CAST: variants seen among roughly 807,000 people sequenced by gnomAD.
The protein encoded by CAST is MIR583 host.
A neutral mutation model predicts 119.6 loss-of-function variants in CAST; 76 were observed. The observed-to-expected ratio is 0.64, with a 90% CI of 0.53 to 0.77. The LOEUF (loss-of-function observed/expected upper bound fraction) is 0.77, where lower values mean the gene tolerates loss of function less well. Ranked by LOEUF, CAST falls within the 30% of genes least tolerant of loss-of-function variation. The pLI is 0.00. For synonymous variants in CAST, 319 were observed against 331.6 expected, an observed-to-expected ratio of 0.96 and a Z score of 0.41; for missense variants, 953 against 946.5, an observed-to-expected ratio of 1.01 and a Z score of -0.09.
chr5:96,207,316 T>C, the CAST span, among the ~76,000 whole-genome samples: 1 of 152,126 alleles, frequency 6.6e-6, no homozygotes. Flanking sequence ...CTGGTAACTC[T>C]GGCTAGGATT....
At chr5:96,364,331 A>G in the CAST span, among the ~76,000 whole-genome samples, 1 of 152,148 alleles carries the variant, frequency 6.6e-6, no homozygotes, top group African/African-American at 2.4e-5. Context: ...TGGTATCAGG[A>G]TGATGCTGGC....
In CAST at chr5:96,695,840, A is replaced by G. The variant is rs1753217764; in HGVS notation, c.143A>G (p.Lys48Arg). ...PGEKKGSDEK[K>R]AASLGSSQSS... ...CTAATATTTTCTATTTTCAAGAAAA[A>G]AGCAGCAAGCCTCGGCAGCAGTCAA... The change falls in exon 3 of 32, where the codon AAA becomes AGA. Residue 48 changes from lysine (K) to arginine (R), a missense_variant. By Grantham distance (26) the Lys-to-Arg change is conservative (BLOSUM62 2). Transcript: ENST00000675179. The G allele has an allele frequency of 6.2e-7, 1 of 1,610,922 alleles. No individual in the cohort carries two copies.
chr5:96,227,055 G>A, the CAST span, among the ~76,000 whole-genome samples: 16 of 152,228 alleles, frequency 1.1e-4, no homozygotes, highest in East Asian at 2.1e-3. Context: ...CAAAGCTGGC[G>A]GCATCCTGGC....
At chr5:96,050,786 C>A in the CAST span, among the ~76,000 whole-genome samples, 1 of 152,042 alleles carries the variant, frequency 6.6e-6, no homozygotes, top group African/African-American at 2.4e-5. Flanking sequence ...AAGGGGATAG[C>A]AGATGGGAGC....
At chr5:96,314,018 T>A in the CAST span, among the ~76,000 whole-genome samples, 1 of 152,202 alleles carries the variant, frequency 6.6e-6, no homozygotes, top group African/African-American at 2.4e-5. Flanking sequence ...AAATTACAAG[T>A]ATGCAGTACC....
intron 20 of CAST, among the ~76,000 whole-genome samples, chr5:96,752,993 CTT>C (rs1765469532): frequency 1.4e-5 from 2 of 148,006 alleles, no homozygotes; most frequent in Non-Finnish European, 3.0e-5. Context: ...CACACACACT[CTT>C]ACATTTTTTT....
chr5:96,104,574 G>T, the CAST span, among the ~76,000 whole-genome samples: 2 of 152,016 alleles, frequency 1.3e-5, no homozygotes, highest in Admixed American at 1.3e-4. Flanking sequence ...TGAGGGCTCT[G>T]TTCTGTTCCT....
At position 96,726,821 on chromosome 5, in the gene CAST, G is replaced by A. The variant is rs1459400392; in HGVS notation, c.298G>A (p.Gly100Arg). 3 of 1,613,346 alleles carry A rather than the reference G, an allele frequency of 1.9e-6. No homozygotes were observed. Among genetic ancestry groups the A allele is most frequent in the Non-Finnish European group, 1.7e-6 (2 of 1,179,496 alleles). ...CATTCCAGTCAGCCAACAGATGGAA[G>A]GACCACATCTTCCTAACAAGAAAAA... The part of the protein sequence containing the change: ...KAIPVSQQME[G>R]PHLPNKKKHK... Residue 100 changes from glycine to arginine, a missense_variant, in exon 5 of 32, where the codon GGA becomes AGA. Coordinates refer to ENST00000675179, the MANE Select transcript of CAST (RefSeq NM_001750.7).
At chr5:96,491,510 A>AAAAAAAAAAAAAAAAT in the CAST span, among the ~76,000 whole-genome samples, 1 of 128,232 alleles carries the variant, frequency 7.8e-6, no homozygotes, top group Non-Finnish European at 1.7e-5. Context: ...AAAAAAAAAA[A>AAAAAAAAAAAAAAAAT]AAAAAAAAAA....
At chr5:96,641,188 C>T (rs541273769) in intron 1 of CAST, among the ~76,000 whole-genome samples, 147 of 151,942 alleles carry the variant, frequency 9.7e-4, no homozygotes, top group Non-Finnish European at 1.4e-3. Context: ...GATATAGAAA[C>T]GACTTTGCAA....
the CAST span, among the ~76,000 whole-genome samples, chr5:96,000,781 GTTTTGAGGTATATCTCAAAAAAT>G: frequency 6.6e-6 from 1 of 152,134 alleles, no homozygotes; most frequent in Non-Finnish European, 1.5e-5. Context: ...GACATCATCT[GTTTTGAGGTATATCTCAAAAAAT>G]TTATGACTAA....
At chr5:96,195,061 T>C in the CAST span, among the ~76,000 whole-genome samples, 27 of 152,364 alleles carry the variant, frequency 1.8e-4, no homozygotes, top group African/African-American at 6.3e-4. Context: ...GAGGCTTTCA[T>C]ATATAATAAT....
chr5:96,664,414 TG>T lies in CAST; in HGVS notation c.75+1918del, dbSNP rs1561449843. ...ATATATGTGTAAATATATATATATA[TG>T]CACACACACACACACATACAATATA... is the stretch of plus-strand genomic sequence containing the variant. On this transcript the variant is annotated intron_variant, in intron 1 of 31. Transcript: ENST00000675179. Among the ~76,000 whole-genome samples the T allele has an allele frequency of 1.6e-4, 23 of 140,378 alleles. No homozygotes were observed. In the East Asian group the frequency reaches 4.4e-3, roughly 27 times the overall value. 92.1% of individuals were successfully genotyped at this position (140,378 alleles called of 152,430 possible).
At chr5:96,638,957 G>A (rs1263924749) in intron 1 of CAST, among the ~76,000 whole-genome samples, 1 of 152,116 alleles carries the variant, frequency 6.6e-6, no homozygotes, top group Non-Finnish European at 1.5e-5. Context: ...TGCCTCAGAG[G>A]ACTTCATCCC....
upstream of CAST, among the ~76,000 whole-genome samples, chr5:96,523,493 C>A (rs1170065152): frequency 6.6e-6 from 1 of 152,210 alleles, no homozygotes; most frequent in Admixed American, 6.5e-5. Context: ...CCACACTAAG[C>A]TTGTGTGCCC....
chr5:96,456,800 G>A, the CAST span, among the ~76,000 whole-genome samples: 2 of 152,252 alleles, frequency 1.3e-5, no homozygotes, highest in East Asian at 3.9e-4. Flanking sequence ...GTTGTGGGAG[G>A]GACCAGGTGG....
the CAST span, among the ~76,000 whole-genome samples, chr5:96,165,322 C>G: frequency 1.3e-5 from 2 of 152,076 alleles, no homozygotes; most frequent in Admixed American, 6.5e-5. Flanking sequence ...TATATGTGTG[C>G]AGAGGGGTAG....
chr5:96,444,787 T>A, the CAST span, among the ~76,000 whole-genome samples: 1 of 152,154 alleles, frequency 6.6e-6, no homozygotes. Context: ...CCTGCAAAAA[T>A]AAGGTGACCA....
Position 96,651,464 on chromosome 5 carries a change from G to A in CAST, c.61-24075G>A, listed in dbSNP as rs970779918. Among the ~76,000 whole-genome samples the A allele has an allele frequency of 1.5e-4, 23 of 152,194 alleles. 1 individual carries two copies. The highest frequency in any genetic ancestry group is 1.3e-3 in the Admixed American group (20 of 15,280). On this transcript the variant is annotated intron_variant, in intron 1 of 11. Coordinates refer to the CAST transcript ENST00000505143. Reference sequence around the variant, plus strand: ...TTTTCAGAAATCCTACTGGATAGATGTTGTATGTCTTGAGTTGATATCTAA... The same window carrying A: ...TTTTCAGAAATCCTACTGGATAGATATTGTATGTCTTGAGTTGATATCTAA...
Sources: allele counts gnomAD v4.1 joint callset (sites outside exome capture counted in the v4.1 genomes callset), GRCh38; gene constraint gnomAD v4.1.1; transcripts MANE v1.5; gene names NCBI Gene and HGNC (gene_info 2026-07-23, HGNC 2026-07-21).